Variants in ROBO1 observed in about 807,000 individuals in gnomAD.
ROBO1 encodes the protein roundabout homolog 1.
ROBO1 carries 149 observed loss-of-function variants against 195.9 expected under a neutral mutation model. The ratio of observed to expected loss-of-function variants is 0.76; its 90% CI spans 0.67 to 0.87. The LOEUF (loss-of-function observed/expected upper bound fraction) is 0.87, where lower values mean the gene tolerates loss of function less well. ROBO1 is among the 40% of genes least tolerant of loss of function. ROBO1 has a pLI of 0.00. For missense variants in ROBO1, 1,933 were observed against 2,068.3 expected, an observed-to-expected ratio of 0.93 and a Z score of 1.27; for synonymous variants, 816 against 733.2, an observed-to-expected ratio of 1.11 and a Z score of -1.82.
intron 4 of ROBO1, among the ~76,000 whole-genome samples, chr3:78,813,733 T>C (rs1216977752): frequency 6.6e-6 from 1 of 152,092 alleles, no homozygotes; most frequent in Non-Finnish European, 1.5e-5. Context: ...ACTGCCTGTT[T>C]ATAGTATTGG....
intron 10 of ROBO1, among the ~76,000 whole-genome samples, chr3:78,680,351 G>C (rs1054957398): frequency 6.6e-6 from 1 of 152,116 alleles, no homozygotes; most frequent in Admixed American, 6.5e-5. Context: ...TTGAACTAAA[G>C]AGCTTCTGCA....
chr3:78,898,220 T>C (rs1199531671), intron 4 of ROBO1, among the ~76,000 whole-genome samples: 1 of 150,150 alleles, frequency 6.7e-6, no homozygotes, highest in East Asian at 1.9e-4. Flanking sequence ...TAGTGCACTA[T>C]AATAAATATA....
At position 79,095,922 on chromosome 3, in the gene ROBO1, T is replaced by C. The variant is rs150755401; in HGVS notation, c.172+29534A>G. Among the ~76,000 whole-genome samples, 4 of 152,178 alleles carry C rather than the reference T, an allele frequency of 2.6e-5. No individual in the cohort carries two copies. The East Asian group carries it at 7.8e-4, about 30-fold the overall frequency. ...CACAGTATTAGGCATAAACTGGAAA[T>C]ATACTTTGTGAATGTACCATGTTTT... is the stretch of plus-strand genomic sequence containing the variant. On this transcript the variant is annotated intron_variant, in intron 3 of 30. Coordinates refer to ENST00000464233, the MANE Select transcript of ROBO1 (RefSeq NM_002941.4).
chr3:79,102,248 C>A (rs1257317337), intron 3 of ROBO1, among the ~76,000 whole-genome samples: 6 of 151,562 alleles, frequency 4.0e-5, no homozygotes, highest in Admixed American at 1.3e-4. Context: ...AGATAGTATT[C>A]TTCTTTTTTA....
chr3:79,109,447 T>G (rs1322432507), intron 3 of ROBO1, among the ~76,000 whole-genome samples: 1 of 152,024 alleles, frequency 6.6e-6, no homozygotes, highest in Non-Finnish European at 1.5e-5. Flanking sequence ...TTATTAAATT[T>G]TTTCTGTTTG....
chr3:78,746,771 G>T lies in ROBO1; in HGVS notation c.629C>A (p.Pro210Gln). ...TATTCTTTCATCTTTATCATCCAGT[G>T]GAGAGCCATCTTTCTTCCATGAAAT... The part of the protein sequence containing the change: ...PTISWKKDGS[P>Q]LDDKDERITI... Residue 210 changes from proline (P) to glutamine (Q), a missense_variant, in exon 5 of 31, where the codon CCA becomes CAA. This residue lies in a region of ROBO1 where 1,737 missense variants were observed against 1,882.5 expected (regional missense o/e 0.92). Coordinates refer to ENST00000464233, the MANE Select transcript of ROBO1 (RefSeq NM_002941.4). 6.4e-7 allele frequency: 1 copy of T among 1,571,586 alleles called. No individual in the cohort carries two copies. The highest frequency in any genetic ancestry group is 1.2e-5 in the South Asian group (1 of 85,862).
At chr3:79,018,897 G>A in intron 3 of ROBO1, 1 of 991,512 alleles carries the variant, frequency 1.0e-6, no homozygotes, top group Non-Finnish European at 1.2e-6. Context: ...CTGAGGGAGG[G>A]CCAAAAAGTG....
intron 4 of ROBO1, among the ~76,000 whole-genome samples, chr3:78,891,037 C>T (rs750525332): frequency 3.5e-4 from 53 of 152,176 alleles, no homozygotes; most frequent in Middle Eastern, 3.4e-3. Flanking sequence ...GTAATTTCCA[C>T]CCTGAGAAAT....
chr3:79,304,309 G>A (rs1446083092), intron 2 of ROBO1, among the ~76,000 whole-genome samples: 1 of 151,858 alleles, frequency 6.6e-6, no homozygotes, highest in African/African-American at 2.4e-5. Flanking sequence ...ACATACCACA[G>A]GAAAATGTCA....
chr3:79,452,338 A>T (rs2039470841), intron 2 of ROBO1, among the ~76,000 whole-genome samples: 1 of 151,960 alleles, frequency 6.6e-6, no homozygotes, highest in African/African-American at 2.4e-5. Context: ...ATCCACTTTC[A>T]GCTCTTTCTT....
At chr3:79,377,752 C>G (rs2036434243) in intron 2 of ROBO1, among the ~76,000 whole-genome samples, 1 of 152,170 alleles carries the variant, frequency 6.6e-6, no homozygotes, top group Admixed American at 6.5e-5. Context: ...TAGCTAGAGC[C>G]TAACTGCTCA....
At chr3:79,023,408 G>A (rs1249264153) in intron 3 of ROBO1, among the ~76,000 whole-genome samples, 1 of 152,166 alleles carries the variant, frequency 6.6e-6, no homozygotes, top group Non-Finnish European at 1.5e-5. Flanking sequence ...CGAATAAAAG[G>A]AGAGTAAATT....
chr3:78,673,320 T>C (rs1708173161), intron 10 of ROBO1, among the ~76,000 whole-genome samples: 1 of 150,816 alleles, frequency 6.6e-6, no homozygotes, highest in Non-Finnish European at 1.5e-5. Flanking sequence ...AGCTCATTAT[T>C]GTCAGTATAA....
chr3:79,612,649 G>T (rs1284294707), intron 1 of ROBO1, among the ~76,000 whole-genome samples: 1 of 145,268 alleles, frequency 6.9e-6, no homozygotes, highest in East Asian at 2.2e-4. Flanking sequence ...CCCACCAACA[G>T]TGTAAAAGTG....
At chr3:79,642,229 G>A (rs1576165920) in intron 1 of ROBO1, among the ~76,000 whole-genome samples, 1 of 152,234 alleles carries the variant, frequency 6.6e-6, no homozygotes, top group East Asian at 1.9e-4. Flanking sequence ...TACACAGTCA[G>A]AGGAGAAGAA....
At chr3:79,259,833 A>G (rs1234981916) in intron 2 of ROBO1, among the ~76,000 whole-genome samples, 2 of 152,180 alleles carry the variant, frequency 1.3e-5, no homozygotes, top group Admixed American at 1.3e-4. Context: ...ATAATCTGCT[A>G]TCTCCAATCC....
chr3:79,283,509 C>T (rs1279726172), intron 2 of ROBO1, among the ~76,000 whole-genome samples: 1 of 152,156 alleles, frequency 6.6e-6, no homozygotes, highest in Non-Finnish European at 1.5e-5. Context: ...TAAATAGTTT[C>T]AGGCTTGATC....
intron 3 of ROBO1, among the ~76,000 whole-genome samples, chr3:79,042,785 C>A (rs1468675829): frequency 1.3e-5 from 2 of 151,968 alleles, no homozygotes; most frequent in African/African-American, 4.8e-5. Context: ...ATGAGCAAAT[C>A]AACTCATATT....
At chr3:79,089,717 A>G (rs1157154186) in intron 3 of ROBO1, among the ~76,000 whole-genome samples, 1 of 152,182 alleles carries the variant, frequency 6.6e-6, no homozygotes, top group Non-Finnish European at 1.5e-5. Flanking sequence ...AATCTAGAAG[A>G]TAAGAATATT....
Sources: gnomAD v4.1 joint callset for allele counts (sites outside exome capture counted in the v4.1 genomes callset) on GRCh38, gnomAD v4.1.1 for gene constraint, gnomAD v4.1.1 regional missense constraint, MANE v1.5 for transcripts, NCBI Gene and HGNC (gene_info 2026-07-23, HGNC 2026-07-21) for gene names.